Variants in ERO1B observed in about 807,000 individuals in gnomAD.
The protein encoded by ERO1B is ERO1-like protein beta.
A neutral mutation model predicts 75.3 loss-of-function variants in ERO1B; 49 were observed. That is an observed-to-expected ratio of 0.65 (90% CI 0.52 to 0.83). The LOEUF is 0.83. Among genes scored for constraint, ERO1B ranks in the 40% least tolerant of loss-of-function variants. The probability of loss-of-function intolerance (pLI) is 0.00; values close to 1 mark genes in which losing one functional copy is unlikely to be tolerated. For missense variants in ERO1B, 512 were observed against 560.1 expected, an observed-to-expected ratio of 0.91 and a Z score of 0.87; for synonymous variants, 191 against 192.9, an observed-to-expected ratio of 0.99 and a Z score of 0.08.
intron 2 of ERO1B, among the ~76,000 whole-genome samples, chr1:236,268,273 C>T (rs868507160): frequency 1.2e-4 from 18 of 152,090 alleles, no homozygotes; most frequent in South Asian, 2.1e-4. Context: ...AACCTCGTCT[C>T]TACTAAAAAT....
chr1:236,281,462 AT>A, intron 1 of ERO1B: 1 of 387,834 alleles, frequency 2.6e-6, no homozygotes, highest in Middle Eastern at 6.5e-4. Flanking sequence ...TTTGACTGCC[AT>A]TACCCGGAGT....
At chr1:236,245,914 T>A (rs1664875637) in intron 5 of ERO1B, among the ~76,000 whole-genome samples, 1 of 151,628 alleles carries the variant, frequency 6.6e-6, no homozygotes, top group South Asian at 2.1e-4. Flanking sequence ...ATTGTGATGA[T>A]GTTATATGGG....
rs1230656901 is a variant in ERO1B at position 236,216,234 on chromosome 1, A to G, written c.*2282T>C. Reference sequence around the variant, plus strand: ...TATATTATCAAGTGCTGGGTTTTTAAATTAGGTGATGAGATAAAGACAAAA... The same window carrying G: ...TATATTATCAAGTGCTGGGTTTTTAGATTAGGTGATGAGATAAAGACAAAA... On this transcript the variant is annotated 3_prime_UTR_variant, in exon 16 of 16. Coordinates refer to ENST00000354619, the MANE Select transcript of ERO1B (RefSeq NM_019891.4). 3.3e-5 allele frequency: 5 copies of G among 152,154 alleles called. No homozygotes were observed. The East Asian group carries it at 7.7e-4, about 23-fold the overall frequency. The allele number at this position is 152,154 out of a possible 1,614,324, so 9.4% of individuals were successfully genotyped here.
At chr1:236,270,828 A>G (rs1665572298) in intron 1 of ERO1B, among the ~76,000 whole-genome samples, 2 of 152,156 alleles carry the variant, frequency 1.3e-5, no homozygotes, top group Admixed American at 6.5e-5. Context: ...AAAGCATATC[A>G]TTTGTTGCCA....
intron 2 of ERO1B, among the ~76,000 whole-genome samples, chr1:236,257,355 G>A (rs1665182681): frequency 6.6e-6 from 1 of 152,090 alleles, no homozygotes; most frequent in Non-Finnish European, 1.5e-5. Context: ...CACCATCTGA[G>A]TAAACAGCAA....
intron 1 of ERO1B, among the ~76,000 whole-genome samples, chr1:236,272,738 T>C (rs1391717457): frequency 3.3e-5 from 5 of 152,240 alleles, no homozygotes; most frequent in African/African-American, 1.2e-4. Flanking sequence ...AAATATTGTT[T>C]TTGTTATCAG....
intron 1 of ERO1B, among the ~76,000 whole-genome samples, chr1:236,280,036 T>G (rs1665795715): frequency 6.6e-6 from 1 of 152,160 alleles, no homozygotes; most frequent in Non-Finnish European, 1.5e-5. Flanking sequence ...ACACCTGTAA[T>G]CCCAGCACCT....
At chr1:236,254,319 T>C (rs1003565437) in intron 2 of ERO1B, among the ~76,000 whole-genome samples, 2 of 152,216 alleles carry the variant, frequency 1.3e-5, no homozygotes, top group Admixed American at 1.3e-4. Context: ...CATTTTTCCA[T>C]TTGTCACCAC....
intron 5 of ERO1B, 45 bp downstream of exon 5, chr1:236,249,840 A>T (rs767513710): frequency 7.5e-7 from 1 of 1,337,174 alleles, no homozygotes; most frequent in Non-Finnish European, 1.0e-6. Flanking sequence ...TTGATTCTTG[A>T]TATCAATGAG....
chr1:236,244,449 A>G (rs1438709346), intron 5 of ERO1B, among the ~76,000 whole-genome samples: 1 of 152,212 alleles, frequency 6.6e-6, no homozygotes, highest in Non-Finnish European at 1.5e-5. Context: ...TAACAAAAAT[A>G]TTGTATCACA....
At chr1:236,260,582 T>G (rs541523761) in intron 2 of ERO1B, among the ~76,000 whole-genome samples, 9 of 151,846 alleles carry the variant, frequency 5.9e-5, no homozygotes, top group South Asian at 2.1e-4. Context: ...GGAGAATCAC[T>G]TGAACCCAGG....
chr1:236,264,256 C>T (rs758427882), intron 2 of ERO1B, among the ~76,000 whole-genome samples: 28 of 152,034 alleles, frequency 1.8e-4, no homozygotes, highest in Non-Finnish European at 3.5e-4. Flanking sequence ...TACAGGCACA[C>T]GCCACCATGC....
intron 6 of ERO1B, among the ~76,000 whole-genome samples, chr1:236,240,358 A>G (rs1251968564): frequency 1.3e-5 from 2 of 152,144 alleles, no homozygotes; most frequent in Admixed American, 1.3e-4. Context: ...ATACAGAACA[A>G]CTTAGTGTGC....
chr1:236,239,889 GTGTATATA>G (rs1664652506), intron 6 of ERO1B, among the ~76,000 whole-genome samples: 1 of 56,834 alleles, frequency 1.8e-5, no homozygotes, highest in Admixed American at 1.9e-4. Flanking sequence ...GTGTGTGTGT[GTGTATATA>G]TATATATATA....
rs965580873 is a variant in ERO1B, at chr1:236,218,478, T to C, written c.*38A>G. The C allele has an allele frequency of 2.1e-6, 3 of 1,403,112 alleles. No individual in the cohort carries two copies. In the African/African-American group the frequency reaches 4.5e-5, roughly 21 times the overall value. 86.9% of individuals were successfully genotyped at this position (1,403,112 alleles called of 1,614,324 possible). ...TCCATAATTAAAAGGCTTTCCACAGTCACTTTATGTCTCTAGTTAGACACA... is the reference window on the plus strand; with the variant it reads ...TCCATAATTAAAAGGCTTTCCACAGCCACTTTATGTCTCTAGTTAGACACA... On this transcript the variant is annotated 3_prime_UTR_variant, in exon 16 of 16. Coordinates refer to ENST00000354619, the MANE Select transcript of ERO1B (RefSeq NM_019891.4).
chr1:236,234,358 T>C (rs1020371587), intron 8 of ERO1B, among the ~76,000 whole-genome samples: 3 of 152,176 alleles, frequency 2.0e-5, no homozygotes, highest in Non-Finnish European at 2.9e-5. Context: ...AGTGAAAAAA[T>C]TGTATTTTCT....
chr1:236,223,162 A>T (rs922165605), intron 13 of ERO1B, among the ~76,000 whole-genome samples: 4 of 143,636 alleles, frequency 2.8e-5, no homozygotes, highest in South Asian at 2.2e-4. Context: ...AGATCGCACC[A>T]CTGCACTCCA....
chr1:236,220,854 C>A lies in ERO1B; in HGVS notation c.1321G>T (p.Ala441Ser), dbSNP rs987857092. The A allele has an allele frequency of 1.9e-6, 3 of 1,581,662 alleles. No homozygotes were observed. The highest frequency in any genetic ancestry group is 1.8e-5 in the Admixed American group (1 of 54,596). The change falls in exon 15 of 16, where the codon GCT (alanine) becomes TCT (serine). Residue 441 changes from alanine (A) to serine (S), a missense_variant. Transcript: ENST00000354619. ...TACCTTCCAAAAGCATTTAAAAGAG[C>A]AACTATTTCCTGTCGGGTGAGTTGG... ...GFQLTRQEIV[A>S]LLNAFGRLST...
chr1:236,221,949 T>C lies in ERO1B; in HGVS notation c.1184A>G (p.Lys395Arg). The C allele has an allele frequency of 1.9e-6, 3 of 1,613,620 alleles. No homozygotes were observed. The South Asian group carries it at 3.3e-5, about 18-fold the overall frequency. The change falls in exon 14 of 16, where the codon AAA becomes AGA. Residue 395 changes from lysine to arginine, a missense_variant. Lys to Arg is a conservative substitution (Grantham distance 26). Transcript: ENST00000354619. The stretch of plus-strand genomic sequence containing the variant: ...CTGTAATTTTCCCCATAATCTGCAT[T>C]TGTCACATCCAACACAGTCCATTAT... ...SRIMDCVGCD[K>R]CRLWGKLQTQ...
Sources: gnomAD v4.1 joint callset for allele counts (sites outside exome capture counted in the v4.1 genomes callset) on GRCh38, gnomAD v4.1.1 for gene constraint, MANE v1.5 for transcripts, NCBI Gene and HGNC (gene_info 2026-07-23, HGNC 2026-07-21) for gene names.